The following KIF1B variants were observed in gnomAD, a reference collection of about 807,000 sequenced individuals.
The protein encoded by KIF1B is kinesin-like protein KIF1B.
KIF1B carries 76 observed loss-of-function variants against 241.9 expected under a neutral mutation model. The observed-to-expected ratio is 0.31, with a 90% CI of 0.26 to 0.38. The LOEUF (loss-of-function observed/expected upper bound fraction) is 0.38, where lower values mean the gene tolerates loss of function less well. Among genes scored for constraint, KIF1B ranks in the 10% least tolerant of loss-of-function variants. The pLI is 1.00. For synonymous variants in KIF1B, 750 were observed against 796.7 expected (o/e 0.94, Z 0.99); for missense variants, 1,622 against 2,271.4 (o/e 0.71, Z 5.81).
intron 48 of KIF1B, 22 bp downstream of exon 48, chr1:10,375,395 G>A: frequency 6.3e-7 from 1 of 1,595,606 alleles, no homozygotes; most frequent in Admixed American, 1.7e-5. Flanking sequence ...TGTTGTTGTT[G>A]TTGTTGTTTT....
At chr1:10,357,133 A>T (rs908031394) in intron 38 of KIF1B, among the ~76,000 whole-genome samples, 10 of 152,112 alleles carry the variant, frequency 6.6e-5, no homozygotes, top group African/African-American at 2.4e-4. Context: ...TCCCACTTTT[A>T]TCTCCCATAG....
chr1:10,281,173 A>AT (rs1271931709), intron 14 of KIF1B, among the ~76,000 whole-genome samples: 2 of 152,052 alleles, frequency 1.3e-5, no homozygotes, highest in African/African-American at 2.4e-5. Context: ...AACTAATAGT[A>AT]TTTTTTTCCA....
Position 10,352,734 on chromosome 1 carries a change from C to T in KIF1B, c.4053C>T (p.Ser1351=). The change falls in exon 38 of 49, where the codon AGC becomes AGT. Residue 1351 remains serine, a splice_region_variant and synonymous_variant. Transcript: ENST00000676179. ...AKYLKSSHNS[S]RTFYRFEAVW... is the part of the protein sequence containing the mutation. ...ACCTGAAGTCTTCCCACAACTCTAGCAGGTGGGACACCCAGAGCAGTGTGA... is the reference window on the plus strand; with the variant it reads ...ACCTGAAGTCTTCCCACAACTCTAGTAGGTGGGACACCCAGAGCAGTGTGA... The T allele has an allele frequency of 6.2e-7, 1 of 1,606,236 alleles. No individual in the cohort carries two copies. Among genetic ancestry groups the T allele is most frequent in the Non-Finnish European group, 8.5e-7 (1 of 1,172,946 alleles).
Position 10,319,579 on chromosome 1 carries a change from A to G in KIF1B, c.2116-464A>G, listed in dbSNP as rs181998670. Among the ~76,000 whole-genome samples, 639 of 152,292 alleles carry G rather than the reference A, an allele frequency of 4.2e-3. 5 individuals carry two copies. Among genetic ancestry groups the G allele is most frequent in the African/African-American group, 0.015 (603 of 41,554 alleles). On this transcript the variant is annotated intron_variant, in intron 22 of 48. Transcript: ENST00000676179. Reference sequence around the variant, plus strand: ...CAAAGAGGAAGCATCAAAGTCTACAATCTTAATTTTTTTTCCTTCCAAAGA... The same window carrying G: ...CAAAGAGGAAGCATCAAAGTCTACAGTCTTAATTTTTTTTCCTTCCAAAGA...
chr1:10,318,871 A>G (rs1651408260), intron 22 of KIF1B, among the ~76,000 whole-genome samples: 1 of 152,136 alleles, frequency 6.6e-6, no homozygotes, highest in Admixed American at 6.5e-5. Context: ...ACCTAAGGAA[A>G]CTTTTTAGAC....
chr1:10,361,065 G>A (rs1478899544), intron 39 of KIF1B, 22 bp downstream of exon 39: 1 of 1,444,134 alleles, frequency 6.9e-7, no homozygotes, highest in South Asian at 1.1e-5. Flanking sequence ...TGGAACTTCA[G>A]TTGATGCCAA....
At chr1:10,351,202 C>A (rs1652781889) in intron 37 of KIF1B, among the ~76,000 whole-genome samples, 1 of 148,300 alleles carries the variant, frequency 6.7e-6, no homozygotes, top group Non-Finnish European at 1.5e-5. Context: ...TTTTTTTTAA[C>A]TTTATTTACA....
At chr1:10,275,191 GCT>G (rs1266401123) in intron 10 of KIF1B, among the ~76,000 whole-genome samples, 2 of 152,164 alleles carry the variant, frequency 1.3e-5, no homozygotes, top group Non-Finnish European at 2.9e-5. Context: ...TCATTATACT[GCT>G]CTCTCAACTG....
intron 35 of KIF1B, among the ~76,000 whole-genome samples, chr1:10,346,645 G>A (rs577317886): frequency 3.3e-5 from 5 of 152,336 alleles, no homozygotes; most frequent in South Asian, 2.1e-4. Context: ...GATTATAGGC[G>A]TGAGCCACTG....
intron 22 of KIF1B, chr1:10,305,524 G>C: frequency 4.7e-6 from 5 of 1,060,184 alleles, no homozygotes; most frequent in Non-Finnish European, 5.7e-6. Context: ...AGGTGGGACA[G>C]ACATGGGGGA....
At chr1:10,309,591 T>G (rs952963443) in intron 22 of KIF1B, among the ~76,000 whole-genome samples, 2 of 151,540 alleles carry the variant, frequency 1.3e-5, no homozygotes, top group African/African-American at 4.9e-5. Flanking sequence ...AAACTCAGAA[T>G]GGTGATATTG....
At position 10,361,819 on chromosome 1, in the gene KIF1B, C is replaced by T. The variant is rs552529704; in HGVS notation, c.4298C>T (p.Pro1433Leu). ...SLFGSGYSKS[P>L]DSNRVTGIYE... Reference sequence around the variant, plus strand: ...TTTGGCAGCGGCTACTCAAAGTCACCAGATTCGTAAGTTTTTCACACAAGT... The same window carrying T: ...TTTGGCAGCGGCTACTCAAAGTCACTAGATTCGTAAGTTTTTCACACAAGT... The change falls in exon 40 of 49, where the codon CCA becomes CTA. Residue 1433 changes from proline (P) to leucine (L), a missense_variant. Around this residue, in one of 7 missense-constraint regions of KIF1B, gnomAD observed 803 missense variants for 1,112.0 expected, o/e 0.72. Coordinates refer to ENST00000676179, the MANE Select transcript of KIF1B (RefSeq NM_001365951.3). 6.3e-5 allele frequency: 101 copies of T among 1,613,930 alleles called. 1 individual carries two copies. In the South Asian group the frequency reaches 8.8e-4, roughly 14 times the overall value.
chr1:10,239,358 T>C (rs1647101840), intron 2 of KIF1B, among the ~76,000 whole-genome samples: 1 of 152,152 alleles, frequency 6.6e-6, no homozygotes, highest in Non-Finnish European at 1.5e-5. Flanking sequence ...ATATGTACTG[T>C]TTTTTGGTTT....
intron 2 of KIF1B, among the ~76,000 whole-genome samples, chr1:10,255,467 G>A (rs1307073908): frequency 6.6e-6 from 1 of 152,138 alleles, no homozygotes; most frequent in Non-Finnish European, 1.5e-5. Context: ...GTGGATGCCA[G>A]TAATCCCAGC....
In KIF1B at chr1:10,334,608, T is replaced by G. The variant is rs142096228; in HGVS notation, c.3013T>G (p.Phe1005Val). 1.7e-5 allele frequency: 28 copies of G among 1,613,848 alleles called. No individual in the cohort carries two copies. Among genetic ancestry groups the G allele is most frequent in the Non-Finnish European group, 2.3e-5 (27 of 1,179,872 alleles). Residue 1005 changes from phenylalanine to valine, a missense_variant, in exon 28 of 49, where the codon TTT becomes GTT. Transcript: ENST00000676179. ...CAGTGAGAAAGGTGAAGTGCGGGGA[T>G]TTCTGCGTGTGGCTGTACAGGCCAT... Reference protein sequence around the residue: ...IVSEKGEVRGFLRVAVQAIAA... With the variant: ...IVSEKGEVRGVLRVAVQAIAA...
At chr1:10,310,811 C>T (rs1289655952) in intron 22 of KIF1B, among the ~76,000 whole-genome samples, 1 of 151,366 alleles carries the variant, frequency 6.6e-6, no homozygotes, top group Non-Finnish European at 1.5e-5. Flanking sequence ...GTGACAAGTG[C>T]CATGATGGAA....
In KIF1B at chr1:10,256,297, G is replaced by C; in HGVS notation, c.157G>C (p.Asp53His). 6.2e-7 allele frequency: 1 copy of C among 1,611,732 alleles called. No homozygotes were observed. Among genetic ancestry groups the C allele is most frequent in the Middle Eastern group, 1.7e-4 (1 of 6,056 alleles). The change falls in exon 3 of 49, where the codon GAC (aspartate) becomes CAC (histidine). Residue 53 changes from aspartate to histidine, a missense_variant. This residue lies in a region of KIF1B where 156 missense variants were observed against 244.8 expected (regional missense o/e 0.64). Transcript: ENST00000676179. Reference sequence around the variant, plus strand: ...GGAAGCTCCAAAGTCCTTCAGCTTCGACTATTCCTACTGGTCTCATACCTC... The same window carrying C: ...GGAAGCTCCAAAGTCCTTCAGCTTCCACTATTCCTACTGGTCTCATACCTC... ...PKEAPKSFSF[D>H]YSYWSHTSPE...
intron 5 of KIF1B, among the ~76,000 whole-genome samples, chr1:10,265,533 G>T (rs1377684844): frequency 6.6e-6 from 1 of 152,096 alleles, no homozygotes; most frequent in Non-Finnish European, 1.5e-5. Context: ...ACCATGCCCA[G>T]CCTTTAACTG....
intron 1 of KIF1B, among the ~76,000 whole-genome samples, chr1:10,231,758 A>G (rs995830737): frequency 6.6e-6 from 1 of 152,146 alleles, no homozygotes; most frequent in Non-Finnish European, 1.5e-5. Flanking sequence ...GAACTTCTTT[A>G]GCCAATAAAC....
Sources: gnomAD v4.1 joint callset for allele counts (sites outside exome capture counted in the v4.1 genomes callset) on GRCh38, gnomAD v4.1.1 for gene constraint, gnomAD v4.1.1 regional missense constraint, MANE v1.5 for transcripts, NCBI Gene and HGNC (gene_info 2026-07-23, HGNC 2026-07-21) for gene names.